NCOA7: variants seen among roughly 807,000 people sequenced by gnomAD.
NCOA7 encodes the protein 140 kDa estrogen receptor-associated protein.
A neutral mutation model predicts 104.3 loss-of-function variants in NCOA7; 45 were observed. The ratio of observed to expected loss-of-function variants is 0.43; its 90% CI spans 0.34 to 0.55. The LOEUF is 0.55. NCOA7 is among the 20% of genes least tolerant of loss of function. NCOA7 has a pLI of 0.02. For missense variants in NCOA7, 1,041 were observed against 1,119.7 expected (o/e 0.93, Z 1.00); for synonymous variants, 398 against 402.3 (o/e 0.99, Z 0.13).
At chr6:125,831,934 G>C (rs545650058) in intron 2 of NCOA7, among the ~76,000 whole-genome samples, 170 of 152,106 alleles carry the variant, frequency 1.1e-3, no homozygotes, top group Non-Finnish European at 2.0e-3. Flanking sequence ...TTAGAAACTT[G>C]AGTTTATTGG....
chr6:125,782,338 G>A (rs78841332), intron 1 of NCOA7, among the ~76,000 whole-genome samples: 3,850 of 152,188 alleles, frequency 0.025, 163 homozygotes, highest in African/African-American at 0.088. Context: ...GTTAGCTGCA[G>A]ACAGCATGAT....
intron 5 of NCOA7, among the ~76,000 whole-genome samples, chr6:125,879,305 C>T (rs1783630930): frequency 6.6e-6 from 1 of 152,112 alleles, no homozygotes; most frequent in Non-Finnish European, 1.5e-5. Flanking sequence ...TAGGATGCTC[C>T]TTTGTATGAG....
At position 125,812,385 on chromosome 6, in the gene NCOA7, C is replaced by T. The variant is rs535296578; in HGVS notation, c.-64-2906C>T. Reference sequence around the variant, plus strand: ...TCATTGGACAGCCCCAAGTTACTACCCTACAGTTTAGTTATCTGCACAGTC... The same window carrying T: ...TCATTGGACAGCCCCAAGTTACTACTCTACAGTTTAGTTATCTGCACAGTC... On this transcript the variant is annotated intron_variant, in intron 1 of 15. Coordinates refer to ENST00000392477, the MANE Select transcript of NCOA7 (RefSeq NM_181782.5). 8.3e-4 allele frequency among the ~76,000 whole-genome samples: 127 copies of T among 152,276 alleles called. 1 individual carries two copies. The highest frequency in any genetic ancestry group is 7.9e-3 in the South Asian group (38 of 4,824).
chr6:125,828,194 G>A (rs1405063786), intron 2 of NCOA7, among the ~76,000 whole-genome samples: 1 of 152,186 alleles, frequency 6.6e-6, no homozygotes, highest in African/African-American at 2.4e-5. Context: ...AACATTTGGT[G>A]GTCTAGTACA....
At chr6:125,896,538 C>G (rs1785035201) in intron 10 of NCOA7, among the ~76,000 whole-genome samples, 1 of 152,050 alleles carries the variant, frequency 6.6e-6, no homozygotes, top group African/African-American at 2.4e-5. Flanking sequence ...TGCCTGTAAT[C>G]CCAGCACTTT....
intron 2 of NCOA7, among the ~76,000 whole-genome samples, chr6:125,837,002 A>G (rs1265972031): frequency 2.6e-5 from 4 of 152,124 alleles, no homozygotes; most frequent in Non-Finnish European, 4.4e-5. Context: ...GCAGTGGGGA[A>G]TTGTTAGGTC....
rs770648833 is a variant in NCOA7, at chr6:125,889,823, C to T, written c.1769C>T (p.Pro590Leu). The T allele has an allele frequency of 2.4e-5, 39 of 1,613,218 alleles. No individual in the cohort carries two copies. The East Asian group carries it at 3.3e-4, about 14-fold the overall frequency. ...TGGGTGAAAAAGGGAGAGCCCCTCC[C>T]GGTAAAACTGAACTCTTCTACAGAA... ...KTWVKKGEPL[P>L]VKLNSSTEAN... Residue 590 changes from proline to leucine, a missense_variant, in exon 9 of 16, where the codon CCG (proline) becomes CTG (leucine). Transcript: ENST00000392477.
intron 5 of NCOA7, among the ~76,000 whole-genome samples, chr6:125,880,860 C>T (rs1783766525): frequency 6.6e-6 from 1 of 152,106 alleles, no homozygotes; most frequent in Non-Finnish European, 1.5e-5. Context: ...TGAGTTCTTG[C>T]AGTGTCTACA....
chr6:125,807,585 A>G (rs1262174203), intron 1 of NCOA7, among the ~76,000 whole-genome samples: 1 of 152,192 alleles, frequency 6.6e-6, no homozygotes, highest in Non-Finnish European at 1.5e-5. Flanking sequence ...CATCAGATTC[A>G]TGTGGGGTAA....
At chr6:125,881,336 T>G in intron 6 of NCOA7, 133 bp downstream of exon 6, 1 of 712,778 alleles carries the variant, frequency 1.4e-6, no homozygotes, top group Non-Finnish European at 2.4e-6. Flanking sequence ...AATTGGAGAA[T>G]GCATCCTCTC....
intron 1 of NCOA7, among the ~76,000 whole-genome samples, chr6:125,806,227 G>T (rs1377855318): frequency 6.6e-6 from 1 of 152,118 alleles, no homozygotes; most frequent in African/African-American, 2.4e-5. Flanking sequence ...TATAATCCCA[G>T]CTACTTGGGA....
intron 1 of NCOA7, among the ~76,000 whole-genome samples, chr6:125,800,688 C>G (rs1036499148): frequency 1.3e-5 from 2 of 152,186 alleles, no homozygotes; most frequent in African/African-American, 4.8e-5. Flanking sequence ...AGAGAGTTTA[C>G]AGTCTGATTG....
chr6:125,813,426 G>A (rs370487316), intron 1 of NCOA7, among the ~76,000 whole-genome samples: 5 of 150,588 alleles, frequency 3.3e-5, no homozygotes, highest in East Asian at 3.9e-4. Context: ...CTGCTTGCTC[G>A]TACCCTTTAC....
intron 3 of NCOA7, among the ~76,000 whole-genome samples, chr6:125,860,547 C>G (rs1355204023): frequency 6.6e-6 from 1 of 152,156 alleles, no homozygotes; most frequent in Non-Finnish European, 1.5e-5. Context: ...GGGGTTTCAC[C>G]ACGTTGGCCA....
At chr6:125,797,157 G>A (rs1485508923) in intron 1 of NCOA7, among the ~76,000 whole-genome samples, 1 of 152,064 alleles carries the variant, frequency 6.6e-6, no homozygotes, top group Non-Finnish European at 1.5e-5. Flanking sequence ...TGGAGTTTGG[G>A]GATTAGCCAG....
chr6:125,793,250 G>A (rs1029754821), intron 1 of NCOA7, among the ~76,000 whole-genome samples: 1 of 152,112 alleles, frequency 6.6e-6, no homozygotes, highest in Non-Finnish European at 1.5e-5. Flanking sequence ...GTAACCCAGG[G>A]TATTGAGCAA....
intron 10 of NCOA7, among the ~76,000 whole-genome samples, chr6:125,911,782 C>A (rs942618251): frequency 1.3e-5 from 2 of 152,216 alleles, no homozygotes; most frequent in South Asian, 4.1e-4. Flanking sequence ...TCAAGTGGCT[C>A]ATGGCTCGTA....
chr6:125,782,835 C>T (rs2128535867), intron 1 of NCOA7, among the ~76,000 whole-genome samples: 1 of 152,256 alleles, frequency 6.6e-6, no homozygotes, highest in South Asian at 2.1e-4. Flanking sequence ...AACATGTTGA[C>T]ATGTCACCTT....
chr6:125,905,766 A>AGGGTTCAC (rs1055571263), intron 10 of NCOA7, among the ~76,000 whole-genome samples: 2 of 152,118 alleles, frequency 1.3e-5, no homozygotes, highest in African/African-American at 4.8e-5. Flanking sequence ...AATAAATAAA[A>AGGGTTCAC]TCCGAACCCT....
Sources: gnomAD v4.1 joint callset for allele counts (sites outside exome capture counted in the v4.1 genomes callset) on GRCh38, gnomAD v4.1.1 for gene constraint, MANE v1.5 for transcripts, NCBI Gene and HGNC (gene_info 2026-07-23, HGNC 2026-07-21) for gene names.